Variants in RASL10A observed in about 807,000 individuals in gnomAD.
RASL10A encodes RAS like family 10 member A.
In RASL10A, 13 loss-of-function variants were observed where a neutral mutation model predicts 17.3. The observed-to-expected ratio is 0.75, with a 90% confidence interval of 0.49 to 1.20. RASL10A has a LOEUF of 1.20. Among genes scored for constraint, RASL10A ranks in the 50% most tolerant of loss-of-function variants. The pLI, the probability that RASL10A is intolerant of heterozygous loss-of-function variation, is 0.00. For synonymous variants in RASL10A, 159 were observed against 142.2 expected, an observed-to-expected ratio of 1.12 and a Z score of -0.84; for missense variants, 307 against 310.3, an observed-to-expected ratio of 0.99 and a Z score of 0.08.
At chr22:29,318,797 T>C (rs2061464491), upstream of RASL10A, among the ~76,000 whole-genome samples, 1 of 152,206 alleles carries the variant, frequency 6.6e-6, no homozygotes, top group South Asian at 2.1e-4. Context: ...CTGCCAACTA[T>C]GCATGCATCT....
chr22:29,317,966 A>T (rs895546909), upstream of RASL10A, among the ~76,000 whole-genome samples: 3 of 152,220 alleles, frequency 2.0e-5, no homozygotes, highest in African/African-American at 7.2e-5. Context: ...GGTTTCAGGC[A>T]TGAGCCACTG....
At chr22:29,314,251 A>C in intron 1 of RASL10A, 2 of 394,428 alleles carry the variant, frequency 5.1e-6, no homozygotes, top group Non-Finnish European at 4.6e-6. Flanking sequence ...AGCTTTCCCC[A>C]ACTCGGCTCA....
At position 29,313,246 on chromosome 22, in the gene RASL10A, T is replaced by G. The variant is rs182923540; in HGVS notation, c.*55A>C. 2.3e-3 allele frequency: 3,327 copies of G among 1,442,760 alleles called. 11 individuals are homozygous for G. Among genetic ancestry groups the G allele is most frequent in the Non-Finnish European group, 2.8e-3 (3,052 of 1,094,394 alleles). 89.4% of individuals were successfully genotyped at this position (1,442,760 alleles called of 1,614,324 possible). ...GTTGGGCGATCCCGTCCAATCCAGG[T>G]CCCTGATTGTCCCAGTCACAAGGTG... On this transcript the variant is annotated 3_prime_UTR_variant, in exon 3 of 3. Transcript: ENST00000216101.
At chr22:29,315,747 T>C (rs1410337292), upstream of RASL10A, 1 of 152,134 alleles carries the variant, frequency 6.6e-6, no homozygotes, top group Non-Finnish European at 1.5e-5. The surrounding 1 kb of genome is among the most constrained non-coding windows in gnomAD (Gnocchi z 5.5). Context: ...GAGGCGGCGA[T>C]GAGGTAACCG....
intron 2 of RASL10A, 116 bp downstream of exon 2, chr22:29,313,747 C>G: frequency 6.7e-7 from 1 of 1,498,656 alleles, no homozygotes; most frequent in East Asian, 2.3e-5. Context: ...GACCTTCCCA[C>G]GGGCGAAGGC....
upstream of RASL10A, chr22:29,317,288 G>A (rs1257428611): frequency 6.6e-6 from 1 of 152,264 alleles, no homozygotes; most frequent in African/African-American, 2.4e-5. Flanking sequence ...CCAAGCTGGA[G>A]TGCAGTGGTG....
upstream of RASL10A, chr22:29,316,815 TGAGA>T (rs966964272): frequency 2.6e-5 from 4 of 151,766 alleles, no homozygotes; most frequent in African/African-American, 9.7e-5. Context: ...GTCAGGAGGC[TGAGA>T]TAGATTTAAA....
In RASL10A at chr22:29,315,131, G is replaced by A. The variant is rs1181560893; in HGVS notation, c.116C>T (p.Pro39Leu). Residue 39 changes from proline to leucine, a missense_variant, in exon 1 of 3, where the codon CCG (proline) becomes CTG (leucine). Coordinates refer to ENST00000216101, the MANE Select transcript of RASL10A (RefSeq NM_006477.5). The surrounding 1 kb of genome is among the most constrained non-coding windows in gnomAD (Gnocchi z 5.5). ...CAGCACCGCGGGTCGGTAGAGGCGC[G>A]GCCCGTCCGTGGGCCGGTGGCGCTC... is the stretch of plus-strand genomic sequence containing the variant. Reference protein sequence around the residue: ...YPERHRPTDGPRLYRPAVLLD... With the variant: ...YPERHRPTDGLRLYRPAVLLD... The A allele has an allele frequency of 1.3e-6, 2 of 1,531,896 alleles. No individual in the cohort carries two copies. The highest frequency in any genetic ancestry group is 1.7e-6 in the Non-Finnish European group (2 of 1,144,538). 94.9% of individuals were successfully genotyped at this position (1,531,896 alleles called of 1,614,324 possible).
At chr22:29,318,912 C>G (rs979750577), upstream of RASL10A, among the ~76,000 whole-genome samples, 1 of 152,146 alleles carries the variant, frequency 6.6e-6, no homozygotes, top group South Asian at 2.1e-4. Context: ...TAGGCAGGGA[C>G]GGGTGAAGAC....
At chr22:29,317,182 T>C (rs2061458241), upstream of RASL10A, 1 of 152,322 alleles carries the variant, frequency 6.6e-6, no homozygotes, top group South Asian at 2.1e-4. Context: ...CTTTCTTTCC[T>C]ACCATGATTT....
At chr22:29,315,742 G>A (rs1407231393), upstream of RASL10A, 1 of 152,150 alleles carries the variant, frequency 6.6e-6, no homozygotes, top group Non-Finnish European at 1.5e-5. The surrounding 1 kb of genome is among the most constrained non-coding windows in gnomAD (Gnocchi z 5.5). Flanking sequence ...TCCCGGAGGC[G>A]GCGATGAGGT....
intron 1 of RASL10A, among the ~76,000 whole-genome samples, chr22:29,314,775 G>A (rs2061442937): frequency 6.6e-6 from 1 of 152,054 alleles, no homozygotes. Flanking sequence ...CCCAGCCGAG[G>A]CAGGCAAAGG....
chr22:29,314,070 T>G, intron 1 of RASL10A, 83 bp from the exon 2 acceptor site: 1 of 1,561,278 alleles, frequency 6.4e-7, no homozygotes, highest in Admixed American at 1.7e-5. Flanking sequence ...TGGACGCTAA[T>G]CCTCAGGCCA....
At chr22:29,317,898 C>T (rs910811654), upstream of RASL10A, among the ~76,000 whole-genome samples, 1 of 152,098 alleles carries the variant, frequency 6.6e-6, no homozygotes, top group Admixed American at 6.5e-5. Flanking sequence ...ATTGGTCAGG[C>T]TGGTCTCGAA....
chr22:29,316,912 CACAG>C (rs1228378102), upstream of RASL10A: 6 of 152,200 alleles, frequency 3.9e-5, no homozygotes, highest in Admixed American at 2.0e-4. Context: ...ACTGTCAAAG[CACAG>C]ACAATGTGCC....
intron 1 of RASL10A, chr22:29,314,333 G>A (rs947500052): frequency 1.1e-4 from 26 of 241,338 alleles, no homozygotes; most frequent in Middle Eastern, 2.9e-3. Context: ...CCCTTGGCCC[G>A]AGTCCCGTGG....
chr22:29,313,408 G>A lies in RASL10A; in HGVS notation c.505C>T (p.Arg169Cys), dbSNP rs1177125936. 1.9e-6 allele frequency: 3 copies of A among 1,541,878 alleles called. No individual in the cohort carries two copies. The highest frequency in any genetic ancestry group is 3.9e-5 in the Admixed American group (2 of 50,984). The change falls in exon 3 of 3, where the codon CGT (arginine) becomes TGT (cysteine). Residue 169 changes from arginine (R) to cysteine (C), a missense_variant. By Grantham distance (180) the Arg-to-Cys change is radical (BLOSUM62 -3). Transcript: ENST00000216101. The stretch of plus-strand genomic sequence containing the variant: ...CAGCGCAGCAGCTCGCGGAAGAGAC[G>A]CAGCACGTGCCAGTTGTACTTGGCG... Reference protein sequence around the residue: ...CSAKYNWHVLRLFRELLRCAL... With the variant: ...CSAKYNWHVLCLFRELLRCAL...
At chr22:29,318,510 C>T (rs1038955584), upstream of RASL10A, among the ~76,000 whole-genome samples, 3 of 152,204 alleles carry the variant, frequency 2.0e-5, no homozygotes, top group African/African-American at 7.2e-5. Context: ...CTTGGGGAGG[C>T]CTCTAGGTCC....
rs1275393060 is a variant in RASL10A, at chr22:29,313,123, T to TC, written c.*177dup. The TC allele has an allele frequency of 1.2e-5, 10 of 809,388 alleles. No homozygotes were observed. In the Admixed American group the frequency reaches 3.6e-4, roughly 29 times the overall value. 50.1% of individuals were successfully genotyped at this position (809,388 alleles called of 1,614,324 possible). ...CAATGGAGCTTGGGACCTGGTTGGG[T>TC]CCAATGAGGTTCAAAAGGGGGCCAG... On this transcript the variant is annotated 3_prime_UTR_variant, in exon 3 of 3. Transcript: ENST00000216101.
Sources: gnomAD v4.1 joint callset for allele counts (sites outside exome capture counted in the v4.1 genomes callset) on GRCh38, gnomAD v4.1.1 for gene constraint, Gnocchi (gnomAD v3.1) non-coding constraint, MANE v1.5 for transcripts, NCBI Gene and HGNC (gene_info 2026-07-23, HGNC 2026-07-21) for gene names.